POTEB3: variants seen among roughly 807,000 people sequenced by gnomAD.
POTEB3 encodes POTE ankyrin domain family member B3.
POTEB3 carries 5 observed loss-of-function variants against 39.8 expected under a neutral mutation model. The ratio of observed to expected loss-of-function variants is 0.13; its 90% CI spans 0.07 to 0.26. POTEB3 has a LOEUF of 0.26. POTEB3 is among the 10% of genes least tolerant of loss of function. POTEB3 has a pLI of 1.00. For missense variants in POTEB3, 24 were observed against 475.6 expected (o/e 0.05, Z 8.83); for synonymous variants, 5 against 161.5 (o/e 0.03, Z 7.35).
At chr15:21,436,696 G>GATTC (rs1200076865) in intron 1 of POTEB3, among the ~76,000 whole-genome samples, 14 of 114,138 alleles carry the variant, frequency 1.2e-4, no homozygotes, top group African/African-American at 4.9e-4. Flanking sequence ...CCCCAATTTT[G>GATTC]ATTCTCTCAG....
intron 10 of POTEB3, among the ~76,000 whole-genome samples, chr15:21,409,869 A>G (rs1320758844): frequency 2.8e-5 from 3 of 106,030 alleles, no homozygotes; most frequent in African/African-American, 1.7e-4. Flanking sequence ...GCACTTCAGG[A>G]GGCTGAGGCA....
At chr15:21,432,831 C>CT (rs1899025992) in intron 3 of POTEB3, among the ~76,000 whole-genome samples, 1 of 62,268 alleles carries the variant, frequency 1.6e-5, no homozygotes, top group South Asian at 5.7e-4. Context: ...ATAAGTCAGA[C>CT]TAGGCCAGGA....
rs1453096199 is a variant in POTEB3, at chr15:21,407,586, C to T, written c.*1397G>A. 1.1e-5 allele frequency among the ~76,000 whole-genome samples: 1 copy of T among 87,300 alleles called. No individual in the cohort carries two copies. Among genetic ancestry groups the T allele is most frequent in the Non-Finnish European group, 2.0e-5 (1 of 48,994 alleles). 57.3% of individuals were successfully genotyped at this position (87,300 alleles called of 152,430 possible). On this transcript the variant is annotated 3_prime_UTR_variant, in exon 11 of 11. Transcript: ENST00000611217. ...TATGGTGTGGGCACCCAAAAGTGCCCTCTAAGCAGGTGTGGCCTGGCTGGG... is the reference window on the plus strand; with the variant it reads ...TATGGTGTGGGCACCCAAAAGTGCCTTCTAAGCAGGTGTGGCCTGGCTGGG...
chr15:21,434,301 T>C (rs1899104987), intron 3 of POTEB3, among the ~76,000 whole-genome samples: 1 of 132,084 alleles, frequency 7.6e-6, no homozygotes, highest in Non-Finnish European at 1.6e-5. Flanking sequence ...CATGTTTAAG[T>C]TTTCTTGGAG....
intron 10 of POTEB3, among the ~76,000 whole-genome samples, 152 bp downstream of exon 10, chr15:21,410,726 G>GGT (rs1183571914): frequency 0.019 from 1,315 of 68,506 alleles, 287 homozygotes; most frequent in Non-Finnish European, 0.025. Context: ...ATATACAGGG[G>GGT]GTGTGTGTGT....
chr15:21,434,366 GA>G lies in POTEB3; in HGVS notation c.810+294del, dbSNP rs1156957634. ...ATTTTGTCATTTTACATTTGTTAGG[GA>G]AAAAAAAACTTGGCAGGGAAAAATT... is the stretch of plus-strand genomic sequence containing the variant. On this transcript the variant is annotated intron_variant, in intron 3 of 10. Transcript: ENST00000611217. Among the ~76,000 whole-genome samples, 115 of 111,362 alleles carry G rather than the reference GA, an allele frequency of 1.0e-3. 3 individuals are homozygous for G. The highest frequency in any genetic ancestry group is 3.7e-3 in the African/African-American group (98 of 26,838). The allele number at this position is 111,362 out of a possible 152,430, so 73.1% of individuals were successfully genotyped here.
At chr15:21,414,620 A>G (rs1898380692) in intron 9 of POTEB3, among the ~76,000 whole-genome samples, 2 of 79,836 alleles carry the variant, frequency 2.5e-5, no homozygotes, top group South Asian at 2.8e-4. Flanking sequence ...TCTGAAATAC[A>G]GCCACGCAGC....
rs1178858337 is a variant in POTEB3 at position 21,411,154 on chromosome 15, TC to T, written c.1410-154del. 7.1e-5 allele frequency among the ~76,000 whole-genome samples: 5 copies of T among 70,026 alleles called. 1 individual carries two copies. Among genetic ancestry groups the T allele is most frequent in the African/African-American group, 5.7e-4 (5 of 8,696 alleles). 45.9% of individuals were successfully genotyped at this position (70,026 alleles called of 152,430 possible). On this transcript the variant is annotated intron_variant, in intron 9 of 10. Coordinates refer to ENST00000611217, the MANE Select transcript of POTEB3 (RefSeq NM_207355.5). ...GGCCTCACATCTGTTAACCCTGCTCTCCCAGTCATGTTGGCACCAGGGACTA... is the reference window on the plus strand; with the variant it reads ...GGCCTCACATCTGTTAACCCTGCTCTCCAGTCATGTTGGCACCAGGGACTA...
intron 5 of POTEB3, chr15:21,429,073 G>A (rs199832191): frequency 2.0e-5 from 3 of 150,860 alleles, no homozygotes; most frequent in South Asian, 2.1e-4. Flanking sequence ...CTTAACCCAC[G>A]TGAGATTCTG....
intron 6 of POTEB3, chr15:21,425,228 TAA>T (rs1461597269): frequency 7.5e-6 from 1 of 133,846 alleles, no homozygotes; most frequent in African/African-American, 2.9e-5. Context: ...GCTTTGTAAA[TAA>T]AGTTTTATAG....
At chr15:21,422,584 T>C (rs1405071374) in intron 6 of POTEB3, among the ~76,000 whole-genome samples, 1 of 137,688 alleles carries the variant, frequency 7.3e-6, no homozygotes, top group Non-Finnish European at 1.6e-5. Flanking sequence ...CTAAGGATAG[T>C]AACAAGCAGG....
rs4088568 is a variant in POTEB3, at chr15:21,435,127, T to A, written c.522-19A>T. 4 of 68 alleles carry A rather than the reference T, an allele frequency of 0.059. No homozygotes were observed. Among genetic ancestry groups the A allele is most frequent in the Admixed American group, 0.12 (1 of 8 alleles). The allele number at this position is 68 out of a possible 1,614,324, so 0.0% of individuals were successfully genotyped here. A position where few individuals can be genotyped will look rare whatever the true frequency, so the allele number is the denominator to read the frequency against. On this transcript the variant is annotated intron_variant, in intron 1 of 10. Transcript: ENST00000611217. The stretch of plus-strand genomic sequence containing the variant: ...AGCAGTCCTATGAGAGTGAGAAGAC[T>A]TCAGGAAATTGTAGTGCACTAGCTA...
At chr15:21,414,689 CA>C (rs1898382726) in intron 9 of POTEB3, among the ~76,000 whole-genome samples, 1 of 87,558 alleles carries the variant, frequency 1.1e-5, no homozygotes, top group Admixed American at 9.6e-5. Context: ...CTATAGGAAG[CA>C]AAAAATTCCA....
chr15:21,413,802 C>G (rs1898360579), intron 9 of POTEB3, among the ~76,000 whole-genome samples: 1 of 49,908 alleles, frequency 2.0e-5, no homozygotes, highest in South Asian at 5.6e-4. Context: ...GAAACCGACC[C>G]CATGATCCAA....
intron 3 of POTEB3, among the ~76,000 whole-genome samples, chr15:21,433,240 G>A (rs1483477380): frequency 2.1e-3 from 320 of 150,084 alleles, no homozygotes; most frequent in African/African-American, 7.3e-3. Context: ...GAGTGTATCC[G>A]GATTTTGAGA....
rs1595364496 is a variant in POTEB3 at position 21,431,824 on chromosome 15, GC to G, written c.831del (p.Leu277PhefsTer12). The G allele has an allele frequency of 3.8e-6, 6 of 1,573,956 alleles. 1 individual carries two copies. The East Asian group carries it at 1.4e-4, about 35-fold the overall frequency. The stretch of plus-strand genomic sequence containing the variant: ...TGCTGTTTTTGTTCATGTACGCCAA[GC>G]AAAAGTGGTGTGAGGCCACACTGTA... Reference protein sequence around the residue: ...SKNKCGLTPLLLGVHEQKQQV... With the variant: ...SKNKCGLTPLXLGVHEQKQQV... On this transcript the variant is annotated frameshift_variant, in exon 4 of 11. Transcript: ENST00000611217. LOFTEE classifies it high-confidence loss of function.
chr15:21,405,417 A>C lies in POTEB3; in HGVS notation c.*3566T>G, dbSNP rs1898212715. On this transcript the variant is annotated 3_prime_UTR_variant, in exon 11 of 11. Coordinates refer to ENST00000611217, the MANE Select transcript of POTEB3 (RefSeq NM_207355.5). ...GGGTTTCTTGAAGACGGCATACTCCAATGGGTCTTGGTTCTTTATCCAGCT... is the reference window on the plus strand; with the variant it reads ...GGGTTTCTTGAAGACGGCATACTCCCATGGGTCTTGGTTCTTTATCCAGCT... Among the ~76,000 whole-genome samples the C allele has an allele frequency of 7.8e-6, 1 of 128,628 alleles. No individual in the cohort carries two copies. The highest frequency in any genetic ancestry group is 1.6e-5 in the Non-Finnish European group (1 of 62,818). 84.4% of individuals were successfully genotyped at this position (128,628 alleles called of 152,430 possible).
chr15:21,410,264 C>T (rs1898296219), intron 10 of POTEB3, among the ~76,000 whole-genome samples: 1 of 90,930 alleles, frequency 1.1e-5, no homozygotes. Flanking sequence ...GGGAAACGTA[C>T]TGAACTATTC....
At chr15:21,425,035 CTT>C (rs1238504220) in intron 6 of POTEB3, 1 of 147,864 alleles carries the variant, frequency 6.8e-6, no homozygotes, top group Non-Finnish European at 1.5e-5. Flanking sequence ...GGATTCCAAA[CTT>C]TATTTCACCA....
Sources: allele counts gnomAD v4.1 joint callset (sites outside exome capture counted in the v4.1 genomes callset), GRCh38; gene constraint gnomAD v4.1.1; transcripts MANE v1.5; gene names NCBI Gene and HGNC (gene_info 2026-07-23, HGNC 2026-07-21).